The following PCDHA10 variants were observed in gnomAD, a reference collection of about 807,000 sequenced individuals.
PCDHA10 encodes protocadherin alpha 10, also known as protocadherin alpha-10.
Under a neutral mutation model 61.2 loss-of-function variants are expected in PCDHA10, and 45 were observed. The ratio of observed to expected loss-of-function variants is 0.74; its 90% CI spans 0.58 to 0.94. The LOEUF (loss-of-function observed/expected upper bound fraction) is 0.94, where lower values mean the gene tolerates loss of function less well. Among genes scored for constraint, PCDHA10 ranks in the 40% least tolerant of loss-of-function variants. PCDHA10 has a pLI of 0.00. For missense variants in PCDHA10, 1,278 were observed against 1,236.2 expected, an observed-to-expected ratio of 1.03 and a Z score of -0.51; for synonymous variants, 602 against 548.8, an observed-to-expected ratio of 1.10 and a Z score of -1.35.
intron 1 of PCDHA10, chr5:140,877,731 G>A (rs2153355415): frequency 1.2e-6 from 2 of 1,614,176 alleles, no homozygotes; most frequent in Non-Finnish European, 1.7e-6. Context: ...ACTCGCAGCA[G>A]AGGAGGCAGA....
At chr5:140,929,395 C>G (rs1317256449) in intron 1 of PCDHA10, 8 of 1,510,412 alleles carry the variant, frequency 5.3e-6, no homozygotes, top group Non-Finnish European at 5.3e-6. Flanking sequence ...TGAAATATTT[C>G]TTAGACAAGC....
chr5:140,870,962 C>G (rs1489353896), intron 1 of PCDHA10: 2 of 1,613,532 alleles, frequency 1.2e-6, no homozygotes, highest in African/African-American at 1.3e-5. Context: ...TCGCGCATCC[C>G]GTTCCGCGTG....
chr5:140,862,472 T>C (rs577275887), intron 1 of PCDHA10: 357 of 374,932 alleles, frequency 9.5e-4, no homozygotes, highest in Non-Finnish European at 1.4e-3. Context: ...AGAGCAAATC[T>C]ATCCATTGTT....
intron 1 of PCDHA10, among the ~76,000 whole-genome samples, chr5:140,874,132 A>C (rs181983769): frequency 1.3e-5 from 2 of 152,240 alleles, no homozygotes; most frequent in East Asian, 3.8e-4. Flanking sequence ...TATTTAAGTT[A>C]TCTTATACTT....
At chr5:140,871,203 C>T in intron 1 of PCDHA10, 1 of 1,613,744 alleles carries the variant, frequency 6.2e-7, no homozygotes, top group East Asian at 2.2e-5. Context: ...TGTACCTGAT[C>T]ATCGCCATCT....
At chr5:140,955,207 G>A (rs2153705473) in intron 1 of PCDHA10, among the ~76,000 whole-genome samples, 1 of 152,290 alleles carries the variant, frequency 6.6e-6, no homozygotes, top group South Asian at 2.1e-4. Context: ...CAATCAAGTA[G>A]CATGATGCCT....
At chr5:140,881,944 A>C in intron 1 of PCDHA10, 1 of 302,118 alleles carries the variant, frequency 3.3e-6, no homozygotes, top group East Asian at 5.9e-5. Flanking sequence ...GTTTCTGGGA[A>C]GGTAAACATT....
At chr5:140,981,223 T>C (rs1472733562) in intron 2 of PCDHA10, among the ~76,000 whole-genome samples, 2 of 152,234 alleles carry the variant, frequency 1.3e-5, no homozygotes, top group Non-Finnish European at 2.9e-5. Context: ...CTTTAGTCAG[T>C]AGTCTAAATT....
intron 1 of PCDHA10, chr5:140,867,087 G>T (rs1320862107): frequency 3.9e-5 from 6 of 151,970 alleles, no homozygotes; most frequent in African/African-American, 1.4e-4. Context: ...CTGTATTGTT[G>T]GAAATTAACA....
At chr5:140,863,452 G>T in intron 1 of PCDHA10, 2 of 561,032 alleles carry the variant, frequency 3.6e-6, no homozygotes, top group Non-Finnish European at 6.8e-6. Flanking sequence ...TCGCAGCAAA[G>T]GAGATTTTAC....
Position 140,858,148 on chromosome 5 carries a change from C to T in PCDHA10, c.2100C>T (p.Ile700=), listed in dbSNP as rs189442889. The T allele has an allele frequency of 6.1e-4, 978 of 1,597,640 alleles. 22 individuals are homozygous for T. In the East Asian group the frequency reaches 0.021, roughly 34 times the overall value. Residue 700 remains isoleucine, a synonymous_variant, in exon 1 of 4, where the codon ATC becomes ATT. Coordinates refer to ENST00000307360, the MANE Select transcript of PCDHA10 (RefSeq NM_018901.4). ...TGGATGTCAACGTGTACCTGATCAT[C>T]GCCATCTGCGCGGTGTCCAGCTTGC... ...ALVDVNVYLI[I]AICAVSSLLV...
At chr5:140,929,112 C>T in intron 1 of PCDHA10, 6 of 1,614,130 alleles carry the variant, frequency 3.7e-6, no homozygotes, top group Non-Finnish European at 5.1e-6. Context: ...TGACATCAGC[C>T]ACCATAGATG....
chr5:140,877,569 C>T (rs782129855), intron 1 of PCDHA10: 1 of 1,613,806 alleles, frequency 6.2e-7, no homozygotes, highest in Admixed American at 1.7e-5. Flanking sequence ...TTAACGTGTA[C>T]CTCATCATCG....
chr5:140,954,995 T>C (rs962646761), intron 1 of PCDHA10, among the ~76,000 whole-genome samples: 2 of 152,222 alleles, frequency 1.3e-5, no homozygotes, highest in African/African-American at 2.4e-5. Context: ...TGCATATGGC[T>C]AGCCAATTCT....
intron 1 of PCDHA10, chr5:140,967,804 A>G (rs1168632160): frequency 6.2e-7 from 1 of 1,614,090 alleles, no homozygotes; most frequent in Admixed American, 1.7e-5. Flanking sequence ...TGCCCATGGC[A>G]GGTCACTGCA....
intron 1 of PCDHA10, among the ~76,000 whole-genome samples, chr5:140,874,989 A>G (rs1411320872): frequency 6.6e-6 from 1 of 152,218 alleles, no homozygotes; most frequent in Non-Finnish European, 1.5e-5. Context: ...ATTATTCTGT[A>G]TATCATTTTC....
intron 1 of PCDHA10, chr5:140,883,514 G>C (rs2059648914): frequency 1.2e-6 from 2 of 1,614,220 alleles, no homozygotes; most frequent in Non-Finnish European, 1.7e-6. Context: ...CCTGGACCGC[G>C]AGAGCGTATC....
intron 1 of PCDHA10, chr5:140,865,687 A>G (rs924237080): frequency 3.3e-5 from 5 of 152,204 alleles, no homozygotes; most frequent in African/African-American, 1.2e-4. Flanking sequence ...AGTACATATG[A>G]CTGTTCCAAT....
chr5:140,862,359 C>A lies in PCDHA10; in HGVS notation c.2388+3923C>A, dbSNP rs1364549064. ...CCTAACTTCAGTGCCAAGGGACAGA[C>A]GACCCGCACCCTGACTCCTCACGTC... On this transcript the variant is annotated intron_variant, in intron 1 of 3. Coordinates refer to ENST00000307360, the MANE Select transcript of PCDHA10 (RefSeq NM_018901.4). 17 of 337,738 alleles carry A rather than the reference C, an allele frequency of 5.0e-5. No individual in the cohort carries two copies. In the East Asian group the frequency reaches 1.2e-3, roughly 24 times the overall value. The allele number at this position is 337,738 out of a possible 1,614,324, so 20.9% of individuals were successfully genotyped here.
Sources: gnomAD v4.1 joint callset for allele counts (sites outside exome capture counted in the v4.1 genomes callset) on GRCh38, gnomAD v4.1.1 for gene constraint, MANE v1.5 for transcripts, NCBI Gene and HGNC (gene_info 2026-07-23, HGNC 2026-07-21) for gene names.